The following TEK variants were observed in gnomAD, a reference collection of about 807,000 sequenced individuals.
TEK encodes the protein angiopoietin-1 receptor.
Under a neutral mutation model 131.8 loss-of-function variants are expected in TEK, and 43 were observed. That is an observed-to-expected ratio of 0.33 (90% CI 0.26 to 0.42). TEK has a LOEUF of 0.42. Ranked by LOEUF, TEK falls within the 10% of genes least tolerant of loss-of-function variation. The pLI is 1.00. For missense variants in TEK, 1,162 were observed against 1,384.4 expected, an observed-to-expected ratio of 0.84 and a Z score of 2.55; for synonymous variants, 580 against 491.6, an observed-to-expected ratio of 1.18 and a Z score of -2.38.
chr9:27,165,580 C>T (rs1375210858), intron 2 of TEK, among the ~76,000 whole-genome samples: 1 of 152,218 alleles, frequency 6.6e-6, no homozygotes, highest in Non-Finnish European at 1.5e-5. Flanking sequence ...GGATACCGAC[C>T]TCTTCTAGGC....
At chr9:27,178,089 C>T (rs1382393890) in intron 6 of TEK, among the ~76,000 whole-genome samples, 4 of 152,052 alleles carry the variant, frequency 2.6e-5, no homozygotes, top group African/African-American at 9.7e-5. Context: ...AGTAGTTTTA[C>T]AATTTCAGGT....
At chr9:27,129,388 C>T (rs1166237881) in intron 1 of TEK, among the ~76,000 whole-genome samples, 4 of 152,136 alleles carry the variant, frequency 2.6e-5, no homozygotes, top group African/African-American at 2.4e-5. Flanking sequence ...GACTAATTTC[C>T]TTTCCAGTTC....
intron 16 of TEK, chr9:27,210,738 C>A (rs1195029945): frequency 2.6e-5 from 4 of 152,182 alleles, no homozygotes; most frequent in Non-Finnish European, 5.9e-5. Context: ...AATGCAGCTT[C>A]CTTCTTGGGA....
At chr9:27,213,388 C>A (rs953379901) in intron 17 of TEK, 96 bp from the exon 18 acceptor site, 49 of 904,424 alleles carry the variant, frequency 5.4e-5, no homozygotes, top group Admixed American at 1.9e-4. Context: ...GTTTAAAATC[C>A]TTTTTTATAC....
In TEK at chr9:27,180,118, C is replaced by T. The variant is rs781460435; in HGVS notation, c.902-122C>T. 5 of 1,411,814 alleles carry T rather than the reference C, an allele frequency of 3.5e-6. No homozygotes were observed. In the African/African-American group the frequency reaches 5.7e-5, roughly 16 times the overall value. 87.5% of individuals were successfully genotyped at this position (1,411,814 alleles called of 1,614,324 possible). A position where few individuals can be genotyped will look rare whatever the true frequency, so the allele number is the denominator to read the frequency against. ...TCCTGGTAATTCAGATAAATTACCC[C>T]CTACCTTACACAAATCAGCAAAGTT... On this transcript the variant is annotated intron_variant, in intron 6 of 22. Coordinates refer to ENST00000380036, the MANE Select transcript of TEK (RefSeq NM_000459.5).
rs775661158 is a variant in TEK, at chr9:27,218,785, A to G, written c.3071A>G (p.Tyr1024Cys). ...VYTTNSDVWS[Y>C]GVLLWEIVSL... ...ACTTGTCCCTCCTGCAGATGGTCCT[A>G]TGGTGTGTTACTATGGGAGATTGTT... Residue 1024 changes from tyrosine (Y) to cysteine (C), a missense_variant, in exon 20 of 23, where the codon TAT (tyrosine) becomes TGT (cysteine). Physicochemically the swap from Tyr to Cys is radical, Grantham distance 194. Around this residue, in one of 6 missense-constraint regions of TEK, gnomAD observed 107 missense variants for 173.9 expected, o/e 0.62. Coordinates refer to ENST00000380036, the MANE Select transcript of TEK (RefSeq NM_000459.5). 6.2e-7 allele frequency: 1 copy of G among 1,613,914 alleles called. No homozygotes were observed. Among genetic ancestry groups the G allele is most frequent in the South Asian group, 1.1e-5 (1 of 91,072 alleles).
Position 27,190,698 on chromosome 9 carries a change from T to C in TEK, c.1489+8T>C. ...CTTGGCAACATATTCAAGGTAAGCT[T>C]TGGACAGGATAGATGCCAGCTGGGG... On this transcript the variant is annotated splice_region_variant and intron_variant, in intron 10 of 22. Transcript: ENST00000380036. 6.2e-7 allele frequency: 1 copy of C among 1,613,896 alleles called. No individual in the cohort carries two copies. Among genetic ancestry groups the C allele is most frequent in the Non-Finnish European group, 8.5e-7 (1 of 1,179,816 alleles).
At chr9:27,153,138 C>G (rs1288858613) in intron 1 of TEK, among the ~76,000 whole-genome samples, 3 of 152,136 alleles carry the variant, frequency 2.0e-5, no homozygotes, top group African/African-American at 7.2e-5. Flanking sequence ...CAAGGACACA[C>G]TTTTATGCAA....
chr9:27,225,274 A>G (rs951711366), intron 21 of TEK, among the ~76,000 whole-genome samples: 5 of 152,240 alleles, frequency 3.3e-5, no homozygotes, highest in African/African-American at 1.2e-4. Flanking sequence ...AAGAGCCTGC[A>G]TAGCCAAGAC....
intron 6 of TEK, among the ~76,000 whole-genome samples, chr9:27,173,942 T>G: frequency 8.3e-6 from 1 of 120,080 alleles, no homozygotes. Context: ...AAAAAAAAAA[T>G]CAAAATCAGA....
chr9:27,172,150 G>A lies in TEK; in HGVS notation c.629-466G>A, dbSNP rs1303762330. ...AGGTCGTGGTTGGGTGGGATCTGGG[G>A]TTTGCATTTCTAACAGATTCCCAGA... On this transcript the variant is annotated intron_variant, in intron 4 of 22. Transcript: ENST00000380036. Among the ~76,000 whole-genome samples the A allele has an allele frequency of 3.9e-5, 6 of 152,164 alleles. No individual in the cohort carries two copies. The South Asian group carries it at 1.2e-3, about 32-fold the overall frequency.
At chr9:27,214,122 A>G (rs1825731102) in intron 18 of TEK, among the ~76,000 whole-genome samples, 1 of 152,266 alleles carries the variant, frequency 6.6e-6, no homozygotes. Context: ...ACTCTCCCAA[A>G]CAGTAATATT....
At chr9:27,213,440 G>T in intron 17 of TEK, 44 bp from the exon 18 acceptor site, 2 of 1,448,274 alleles carry the variant, frequency 1.4e-6, no homozygotes, top group Non-Finnish European at 1.9e-6. Context: ...CAGCCCTGGG[G>T]CTTTCATTAG....
chr9:27,119,887 A>ATGTG lies in TEK; in HGVS notation c.52+10247_52+10248insTGTG, dbSNP rs1440276583. Among the ~76,000 whole-genome samples the ATGTG allele has an allele frequency of 6.0e-3, 497 of 83,302 alleles. 4 individuals carry two copies. Among genetic ancestry groups the ATGTG allele is most frequent in the African/African-American group, 0.018 (480 of 26,350 alleles). The allele number at this position is 83,302 out of a possible 152,430, so 54.6% of individuals were successfully genotyped here. A position where few individuals can be genotyped will look rare whatever the true frequency, so the allele number is the denominator to read the frequency against. On this transcript the variant is annotated intron_variant, in intron 1 of 22. Transcript: ENST00000380036. ...GACCCATCCTGGTGTCTGTGTGCAC[A>ATGTG]TGCGTGTGTGTGTGTGCATGTGGGT...
At chr9:27,181,560 G>A (rs1406088578) in intron 7 of TEK, among the ~76,000 whole-genome samples, 3 of 152,056 alleles carry the variant, frequency 2.0e-5, no homozygotes, top group African/African-American at 7.2e-5. Context: ...TCTATGTTGT[G>A]GCATGTATCA....
At position 27,117,278 on chromosome 9, in the gene TEK, G is replaced by C. The variant is rs374675820; in HGVS notation, c.52+7636G>C. Among the ~76,000 whole-genome samples the C allele has an allele frequency of 2.0e-4, 30 of 152,264 alleles. No homozygotes were observed. In the South Asian group the frequency reaches 2.1e-3, roughly 11 times the overall value. Reference sequence around the variant, plus strand: ...TATTTTACAGAGAGCCAGCTGCACCGGCAGCATCACCAAACCAGAGCTGGA... The same window carrying C: ...TATTTTACAGAGAGCCAGCTGCACCCGCAGCATCACCAAACCAGAGCTGGA... On this transcript the variant is annotated intron_variant, in intron 1 of 22. Transcript: ENST00000380036.
intron 1 of TEK, among the ~76,000 whole-genome samples, chr9:27,130,626 CTT>C (rs571794271): frequency 4.9e-5 from 6 of 121,816 alleles, no homozygotes; most frequent in Non-Finnish European, 5.1e-5. Flanking sequence ...GATTAAAGTA[CTT>C]TTTTTTTTTT....
At chr9:27,223,197 A>G (rs978655361) in intron 21 of TEK, among the ~76,000 whole-genome samples, 9 of 152,248 alleles carry the variant, frequency 5.9e-5, no homozygotes, top group Middle Eastern at 3.4e-3. Context: ...ACACCCCACT[A>G]TCAATATTAG....
chr9:27,206,878 A>G lies in TEK; in HGVS notation c.2575+86A>G. 2.7e-6 allele frequency: 4 copies of G among 1,481,074 alleles called. No individual in the cohort carries two copies. The South Asian group carries it at 4.8e-5, about 18-fold the overall frequency. 91.7% of individuals were successfully genotyped at this position (1,481,074 alleles called of 1,614,324 possible). A position where few individuals can be genotyped will look rare whatever the true frequency, so the allele number is the denominator to read the frequency against. On this transcript the variant is annotated intron_variant, in intron 15 of 22. Coordinates refer to ENST00000380036, the MANE Select transcript of TEK (RefSeq NM_000459.5). The stretch of plus-strand genomic sequence containing the variant: ...TGCTCATTCTTTCCTCTATGGTCTT[A>G]CAAAAAATTGGCATGGTATCAGACA...
Sources: gnomAD v4.1 joint callset for allele counts (sites outside exome capture counted in the v4.1 genomes callset) on GRCh38, gnomAD v4.1.1 for gene constraint, gnomAD v4.1.1 regional missense constraint, MANE v1.5 for transcripts, NCBI Gene and HGNC (gene_info 2026-07-23, HGNC 2026-07-21) for gene names.